Variants in MYO18B observed in about 807,000 individuals in gnomAD.
The protein encoded by MYO18B is myosin XVIIIB, also known as unconventional myosin-XVIIIb.
A neutral mutation model predicts 273.0 loss-of-function variants in MYO18B; 204 were observed. The ratio of observed to expected loss-of-function variants is 0.75; its 90% confidence interval spans 0.67 to 0.84. MYO18B has a LOEUF of 0.84. MYO18B is among the 40% of genes least tolerant of loss of function. The pLI is 0.00. For synonymous variants in MYO18B, 1,330 were observed against 1,305.7 expected (o/e 1.02, Z -0.40); for missense variants, 3,212 against 3,287.6 (o/e 0.98, Z 0.56).
intron 39 of MYO18B, among the ~76,000 whole-genome samples, chr22:25,956,546 C>T (rs1192924548): frequency 6.6e-6 from 1 of 152,168 alleles, no homozygotes. Flanking sequence ...TGTTTCTTGC[C>T]TAATGGGAAG....
Position 25,898,294 on chromosome 22 carries a change from A to G in MYO18B, c.4669-13A>G. ...CCCACAGAGCCGGGTAATTCATTCTATTACTCTTACAGCTTGGGGAGTTGC... is the reference window on the plus strand; with the variant it reads ...CCCACAGAGCCGGGTAATTCATTCTGTTACTCTTACAGCTTGGGGAGTTGC... On this transcript the variant is annotated splice_polypyrimidine_tract_variant and intron_variant, in intron 28 of 43. Transcript: ENST00000335473. 1.2e-6 allele frequency: 2 copies of G among 1,610,372 alleles called. No homozygotes were observed. Among genetic ancestry groups the G allele is most frequent in the Non-Finnish European group, 1.7e-6 (2 of 1,178,684 alleles).
chr22:25,911,366 CAT>C (rs2092155311), intron 33 of MYO18B, among the ~76,000 whole-genome samples: 1 of 152,238 alleles, frequency 6.6e-6, no homozygotes, highest in South Asian at 2.1e-4. Flanking sequence ...CCACTGCACA[CAT>C]GACTGCCCTC....
downstream of MYO18B, among the ~76,000 whole-genome samples, chr22:26,033,426 C>T (rs1295384081): frequency 9.2e-5 from 14 of 152,034 alleles, no homozygotes; most frequent in Non-Finnish European, 1.6e-4. Flanking sequence ...TTGTGAGTTC[C>T]GTGTTAAAAA....
intron 39 of MYO18B, chr22:25,964,684 C>A (rs541965015): frequency 1.2e-4 from 19 of 152,234 alleles, no homozygotes; most frequent in African/African-American, 4.6e-4. Context: ...CAGACATTAC[C>A]AAATGTCCCC....
intron 17 of MYO18B, among the ~76,000 whole-genome samples, chr22:25,838,726 G>A (rs1289688965): frequency 6.6e-6 from 1 of 152,146 alleles, no homozygotes; most frequent in African/African-American, 2.4e-5. Flanking sequence ...CTAGGTTGGG[G>A]TTAGCATGCC....
rs757199673 is a variant in MYO18B at position 25,826,519 on chromosome 22, G to A, written c.2786+20G>A. ...CAACAGGTAACGGGGCCTTTTCCTA[G>A]GCACACAGTTGGCCTCTTGCAGGTG... On this transcript the variant is annotated intron_variant, in intron 14 of 43. Transcript: ENST00000335473. 2.5e-6 allele frequency: 4 copies of A among 1,606,168 alleles called. No homozygotes were observed. In the South Asian group the frequency reaches 3.3e-5, roughly 13 times the overall value.
In MYO18B at chr22:26,026,680, T is replaced by A; in HGVS notation, c.6706T>A (p.Ser2236Thr). The change falls in exon 43 of 44, where the codon TCC (serine) becomes ACC (threonine). Residue 2236 changes from serine to threonine, a missense_variant. Ser to Thr is a moderately conservative substitution (Grantham distance 58). Transcript: ENST00000335473. ...SPLASRSTNT[S>T]PLSREKLPSP... ...CCTGGCTTCTCGGAGTACAAATACATCCCCGCTGTCGAGGGAAAAGCTGCC... is the reference window on the plus strand; with the variant it reads ...CCTGGCTTCTCGGAGTACAAATACAACCCCGCTGTCGAGGGAAAAGCTGCC... The A allele has an allele frequency of 6.2e-7, 1 of 1,613,508 alleles. No individual in the cohort carries two copies. Among genetic ancestry groups the A allele is most frequent in the Non-Finnish European group, 8.5e-7 (1 of 1,179,792 alleles).
intron 1 of MYO18B, among the ~76,000 whole-genome samples, chr22:25,752,801 G>A (rs918145896): frequency 2.0e-5 from 3 of 152,224 alleles, no homozygotes; most frequent in African/African-American, 7.2e-5. Flanking sequence ...GGCCGGAGCC[G>A]GCTCCCTCTG....
intron 40 of MYO18B, among the ~76,000 whole-genome samples, chr22:25,999,057 T>G (rs1212024264): frequency 1.3e-5 from 2 of 152,212 alleles, no homozygotes; most frequent in East Asian, 3.9e-4. Context: ...CTGTGCTACC[T>G]GTTTGGCATA....
intron 3 of MYO18B, among the ~76,000 whole-genome samples, chr22:25,763,661 T>G (rs2086407037): frequency 6.6e-6 from 1 of 152,238 alleles, no homozygotes; most frequent in African/African-American, 2.4e-5. Flanking sequence ...GTTGGCATAG[T>G]ACTTATTTGA....
intron 37 of MYO18B, among the ~76,000 whole-genome samples, chr22:25,951,885 C>G (rs2092796450): frequency 6.6e-6 from 1 of 152,226 alleles, no homozygotes; most frequent in South Asian, 2.1e-4. Context: ...TTCTCAGACT[C>G]ACACACCAGG....
chr22:25,913,582 A>G (rs1179631404), intron 33 of MYO18B, among the ~76,000 whole-genome samples: 1 of 152,052 alleles, frequency 6.6e-6, no homozygotes, highest in African/African-American at 2.4e-5. Flanking sequence ...GTTAGCCAGG[A>G]TGGTTTCGAT....
intron 7 of MYO18B, 34 bp downstream of exon 7, chr22:25,772,544 G>GC: frequency 5.0e-6 from 8 of 1,596,096 alleles, no homozygotes; most frequent in Non-Finnish European, 6.8e-6. Flanking sequence ...GGGCTGAGGG[G>GC]CTGAGGGCAG....
chr22:25,948,017 T>G (rs545461277), intron 36 of MYO18B, among the ~76,000 whole-genome samples, 189 bp downstream of exon 36: 15 of 152,312 alleles, frequency 9.8e-5, no homozygotes, highest in African/African-American at 3.6e-4. Context: ...TCAGATGGTG[T>G]GTGCATCTCT....
chr22:25,908,268 G>C, intron 31 of MYO18B, 54 bp from the exon 32 acceptor site: 1 of 1,371,002 alleles, frequency 7.3e-7, no homozygotes, highest in South Asian at 1.2e-5. Context: ...GACATGGAGG[G>C]CTTGGAGAGT....
Position 25,786,440 on chromosome 22 carries a change from A to T in MYO18B, c.2376+949A>T, listed in dbSNP as rs544797151. ...ATTTCCACTCCAAAGCCTCTTTTCA[A>T]ATATACATGTCTGGGAAACAAATAG... On this transcript the variant is annotated intron_variant, in intron 11 of 43. Coordinates refer to ENST00000335473, the MANE Select transcript of MYO18B (RefSeq NM_032608.7). Among the ~76,000 whole-genome samples the T allele has an allele frequency of 2.0e-4, 30 of 152,246 alleles. 1 individual carries two copies. The South Asian group carries it at 6.0e-3, about 31-fold the overall frequency.
intron 11 of MYO18B, among the ~76,000 whole-genome samples, chr22:25,793,901 T>A (rs5761189): frequency 0.74 from 111,924 of 151,748 alleles, 41,389 homozygotes; most frequent in East Asian, 0.86. Flanking sequence ...AGTGTACAAC[T>A]CGATGTTTAT....
chr22:25,772,589 A>C, intron 7 of MYO18B, 79 bp downstream of exon 7: 1 of 1,400,534 alleles, frequency 7.1e-7, no homozygotes, highest in Non-Finnish European at 9.6e-7. Flanking sequence ...ATCTGAGGTG[A>C]CAGTAGAACC....
At chr22:25,976,673 CA>C (rs1204362568) in intron 39 of MYO18B, among the ~76,000 whole-genome samples, 3 of 152,136 alleles carry the variant, frequency 2.0e-5, no homozygotes, top group Admixed American at 1.3e-4. Context: ...GACTCTGATC[CA>C]AGCCTGGGGA....
Sources: gnomAD v4.1 joint callset for allele counts (sites outside exome capture counted in the v4.1 genomes callset) on GRCh38, gnomAD v4.1.1 for gene constraint, MANE v1.5 for transcripts, NCBI Gene and HGNC (gene_info 2026-07-23, HGNC 2026-07-21) for gene names.